The following TRMT11 variants were observed in gnomAD, a reference collection of about 807,000 sequenced individuals.
TRMT11 encodes tRNA methyltransferase 11.
In TRMT11, 53 loss-of-function variants were observed where a neutral mutation model predicts 62.8. The ratio of observed to expected loss-of-function variants is 0.84; its 90% CI spans 0.68 to 1.06. The LOEUF is 1.06. Among genes scored for constraint, TRMT11 ranks in the 50% least tolerant of loss-of-function variants. The pLI, the probability that TRMT11 is intolerant of heterozygous loss-of-function variation, is 0.00. For missense variants in TRMT11, 556 were observed against 553.4 expected, an observed-to-expected ratio of 1.00 and a Z score of -0.05; for synonymous variants, 188 against 190.3, an observed-to-expected ratio of 0.99 and a Z score of 0.10.
chr6:126,151,602 C>T (rs932596005), intron 21 of TRMT11, among the ~76,000 whole-genome samples: 2 of 152,196 alleles, frequency 1.3e-5, no homozygotes, highest in Non-Finnish European at 2.9e-5. Context: ...TGCCCAACCT[C>T]TCTCTCACCT....
the TRMT11 span, among the ~76,000 whole-genome samples, chr6:126,242,813 C>G: frequency 8.5e-5 from 13 of 152,102 alleles, no homozygotes; most frequent in Non-Finnish European, 1.6e-4. Context: ...AAATGTTAGA[C>G]CTAAAAACAT....
the TRMT11 span, among the ~76,000 whole-genome samples, chr6:126,220,555 A>T: frequency 2.0e-5 from 3 of 152,190 alleles, no homozygotes; most frequent in Admixed American, 6.6e-5. Context: ...CGCTCTGAAG[A>T]TCATAAAAAT....
intron 17 of TRMT11, among the ~76,000 whole-genome samples, chr6:126,055,701 G>C (rs1033193308): frequency 1.3e-5 from 2 of 152,016 alleles, no homozygotes; most frequent in Non-Finnish European, 2.9e-5. Flanking sequence ...TAGTATATAC[G>C]ATTTCTTTGT....
chr6:125,992,024 T>C (rs1283523380), intron 1 of TRMT11, among the ~76,000 whole-genome samples: 1 of 152,254 alleles, frequency 6.6e-6, no homozygotes, highest in Non-Finnish European at 1.5e-5. Context: ...AAATTATTTT[T>C]TATTCCTAAT....
intron 17 of TRMT11, among the ~76,000 whole-genome samples, chr6:126,075,960 A>G (rs1369562581): frequency 2.6e-5 from 4 of 152,188 alleles, no homozygotes; most frequent in Non-Finnish European, 5.9e-5. Context: ...CAGGGCCCCA[A>G]GGAACTGCAG....
chr6:126,115,646 C>T (rs1477860573), intron 20 of TRMT11, among the ~76,000 whole-genome samples: 1 of 152,136 alleles, frequency 6.6e-6, no homozygotes, highest in Non-Finnish European at 1.5e-5. Flanking sequence ...GAACATTGCT[C>T]AACTTATCAC....
intron 7 of TRMT11, among the ~76,000 whole-genome samples, chr6:126,002,201 T>A (rs1367890981): frequency 6.6e-6 from 1 of 152,308 alleles, no homozygotes; most frequent in East Asian, 1.9e-4. Flanking sequence ...ATATACACAA[T>A]ATGCATGTAA....
the TRMT11 span, among the ~76,000 whole-genome samples, chr6:126,245,482 T>C: frequency 6.6e-6 from 1 of 152,226 alleles, no homozygotes; most frequent in Non-Finnish European, 1.5e-5. Flanking sequence ...CCAAGGGAAA[T>C]CAGCCTTTAA....
chr6:126,010,300 T>C (rs1389521833), intron 8 of TRMT11, among the ~76,000 whole-genome samples: 4 of 152,194 alleles, frequency 2.6e-5, no homozygotes, highest in Non-Finnish European at 4.4e-5. Flanking sequence ...GTGGTACTTT[T>C]ACTTTTTTGT....
At chr6:126,244,776 C>G in the TRMT11 span, among the ~76,000 whole-genome samples, 1 of 152,232 alleles carries the variant, frequency 6.6e-6, no homozygotes, top group Middle Eastern at 3.4e-3. Context: ...ACAGGTGACA[C>G]GCAAGGTGCA....
the TRMT11 span, among the ~76,000 whole-genome samples, chr6:126,262,288 G>A: frequency 6.6e-6 from 1 of 152,174 alleles, no homozygotes. Flanking sequence ...GTCCAGCCAG[G>A]TGTACAACAT....
intron 1 of TRMT11, among the ~76,000 whole-genome samples, chr6:126,180,251 A>T (rs1340183785): frequency 6.6e-6 from 1 of 152,188 alleles, no homozygotes; most frequent in African/African-American, 2.4e-5. Flanking sequence ...ATAATTTTTT[A>T]AAAATATACC....
chr6:126,124,923 C>T (rs370938079), intron 21 of TRMT11, among the ~76,000 whole-genome samples: 6 of 152,220 alleles, frequency 3.9e-5, no homozygotes, highest in African/African-American at 1.4e-4. Flanking sequence ...ATGCAAATCT[C>T]TTTAGAAATT....
intron 2 of TRMT11, chr6:126,199,621 G>A (rs1293260309): frequency 1.3e-5 from 2 of 152,180 alleles, no homozygotes; most frequent in African/African-American, 4.8e-5. Context: ...ACTGTCACTT[G>A]TATATATTTG....
chr6:126,031,024 G>A (rs906571354), intron 12 of TRMT11, among the ~76,000 whole-genome samples: 4 of 152,136 alleles, frequency 2.6e-5, no homozygotes, highest in Non-Finnish European at 2.9e-5. Flanking sequence ...ACAGTGAAGC[G>A]AGTAGGAGCC....
At chr6:126,088,602 A>T (rs1777239827) in intron 17 of TRMT11, among the ~76,000 whole-genome samples, 1 of 152,244 alleles carries the variant, frequency 6.6e-6, no homozygotes, top group African/African-American at 2.4e-5. Context: ...GGTTTCTATC[A>T]ACTGCCCAGT....
chr6:126,075,589 T>A (rs189017982), intron 17 of TRMT11, among the ~76,000 whole-genome samples: 46 of 152,246 alleles, frequency 3.0e-4, no homozygotes, highest in Middle Eastern at 3.4e-3. Context: ...TCATGCTTCC[T>A]GTACAGCCTG....
intron 17 of TRMT11, among the ~76,000 whole-genome samples, chr6:126,070,925 C>T (rs924885810): frequency 6.6e-5 from 10 of 152,134 alleles, no homozygotes; most frequent in African/African-American, 1.9e-4. Context: ...CCAGCCACTA[C>T]GCCATTCGCT....
chr6:126,172,448 C>T (rs1778340907), upstream of TRMT11, among the ~76,000 whole-genome samples: 1 of 152,172 alleles, frequency 6.6e-6, no homozygotes, highest in Non-Finnish European at 1.5e-5. Flanking sequence ...GGCTGCATTT[C>T]ATTACATCTG....
Sources: allele counts gnomAD v4.1 joint callset (sites outside exome capture counted in the v4.1 genomes callset), GRCh38; gene constraint gnomAD v4.1.1; transcripts MANE v1.5; gene names NCBI Gene and HGNC (gene_info 2026-07-23, HGNC 2026-07-21).